The following APBB2 variants were observed in gnomAD, a reference collection of about 807,000 sequenced individuals.
The protein encoded by APBB2 is Fe65-like 1.
A neutral mutation model predicts 82.5 loss-of-function variants in APBB2; 38 were observed. That is an observed-to-expected ratio of 0.46 (90% CI 0.36 to 0.60). The LOEUF is 0.60. Among genes scored for constraint, APBB2 ranks in the 20% least tolerant of loss-of-function variants. APBB2 has a pLI of 0.00. For synonymous variants in APBB2, 341 were observed against 368.2 expected (o/e 0.93, Z 0.85); for missense variants, 772 against 972.3 (o/e 0.79, Z 2.74).
chr4:40,933,197 C>T (rs1784632064), intron 10 of APBB2, among the ~76,000 whole-genome samples: 1 of 152,292 alleles, frequency 6.6e-6, no homozygotes, highest in South Asian at 2.1e-4. Context: ...TTTAATGTTA[C>T]AATCCCTCAG....
intron 10 of APBB2, among the ~76,000 whole-genome samples, chr4:40,905,922 G>A (rs966171857): frequency 1.3e-5 from 2 of 152,132 alleles, no homozygotes; most frequent in Non-Finnish European, 2.9e-5. Flanking sequence ...CTCGAGTGGG[G>A]AAGCGAGAAT....
chr4:40,825,646 T>C (rs1171558068), intron 15 of APBB2: 2 of 473,402 alleles, frequency 4.2e-6, no homozygotes, highest in East Asian at 4.0e-5. Context: ...AAACAAGAAA[T>C]CCACGTCTGT....
chr4:40,934,927 AC>A (rs1236830762), intron 8 of APBB2, 149 bp downstream of exon 8: 3 of 726,614 alleles, frequency 4.1e-6, no homozygotes, highest in Non-Finnish European at 6.7e-6. Flanking sequence ...AAAAAAGGCA[AC>A]AGGAGTGTGA....
chr4:40,878,542 C>T (rs1303380645), intron 12 of APBB2, among the ~76,000 whole-genome samples: 1 of 152,166 alleles, frequency 6.6e-6, no homozygotes, highest in African/African-American at 2.4e-5. Context: ...CTGTCCGGAT[C>T]TCCCTCAGAG....
In APBB2 at chr4:40,975,791, A is replaced by AC. The variant is rs1797042301; in HGVS notation, c.836-30719dup. On this transcript the variant is annotated intron_variant, in intron 6 of 17. Coordinates refer to ENST00000508593, the MANE Select transcript of APBB2 (RefSeq NM_004307.2). ...ACACACACACACACACACACACACA[A>AC]CAACCACTCTACTTTCCCCTATATA... 8.9e-5 allele frequency among the ~76,000 whole-genome samples: 7 copies of AC among 78,782 alleles called. 1 individual carries two copies. In the South Asian group the frequency reaches 2.6e-3, roughly 29 times the overall value. 51.7% of individuals were successfully genotyped at this position (78,782 alleles called of 152,430 possible). A position where few individuals can be genotyped will look rare whatever the true frequency, so the allele number is the denominator to read the frequency against.
At chr4:40,830,425 A>G in intron 13 of APBB2, 38 bp downstream of exon 13, 1 of 1,439,480 alleles carries the variant, frequency 6.9e-7, no homozygotes, top group South Asian at 1.1e-5. Flanking sequence ...GCAAGAAAAA[A>G]AGAGAGAGGC....
intron 7 of APBB2, among the ~76,000 whole-genome samples, chr4:40,941,069 A>T (rs1457950538): frequency 6.6e-6 from 1 of 152,310 alleles, no homozygotes; most frequent in East Asian, 1.9e-4. Flanking sequence ...AAATTTTCAA[A>T]CTGTAAGGAA....
intron 1 of APBB2, among the ~76,000 whole-genome samples, chr4:41,212,822 G>C (rs2154083809): frequency 6.6e-6 from 1 of 152,280 alleles, no homozygotes; most frequent in South Asian, 2.1e-4. Context: ...TCCCCAGCCT[G>C]GAGGTTTCCC....
chr4:40,939,756 A>G (rs1786355702), intron 7 of APBB2, among the ~76,000 whole-genome samples: 1 of 152,156 alleles, frequency 6.6e-6, no homozygotes, highest in Admixed American at 6.5e-5. Context: ...TCACCATGCC[A>G]GCTAAATTTT....
chr4:40,829,988 T>C (rs1468028845), intron 13 of APBB2, among the ~76,000 whole-genome samples: 1 of 152,206 alleles, frequency 6.6e-6, no homozygotes, highest in Non-Finnish European at 1.5e-5. Context: ...ACATTCACTC[T>C]CAGGTCAGAT....
intron 4 of APBB2, among the ~76,000 whole-genome samples, chr4:41,043,306 T>C (rs1722207122): frequency 6.6e-6 from 1 of 152,236 alleles, no homozygotes; most frequent in South Asian, 2.1e-4. Flanking sequence ...TGGAATACTA[T>C]GCATCACTTA....
intron 7 of APBB2, among the ~76,000 whole-genome samples, chr4:40,944,108 T>A (rs1207678359): frequency 6.6e-6 from 1 of 152,208 alleles, no homozygotes; most frequent in Non-Finnish European, 1.5e-5. Context: ...AGGACTGTGG[T>A]CAGAAAGGGG....
intron 6 of APBB2, among the ~76,000 whole-genome samples, chr4:40,955,237 AAGAGAACAGCATTTCTGAAAG>A (rs1186908354): frequency 5.9e-5 from 9 of 152,204 alleles, no homozygotes; most frequent in African/African-American, 1.2e-4. Flanking sequence ...GGGAAGGGAC[AAGAGAACAGCATTTCTGAAAG>A]AGAGAACAGC....
chr4:41,121,923 G>A (rs1429499285), intron 2 of APBB2, among the ~76,000 whole-genome samples: 2 of 151,782 alleles, frequency 1.3e-5, no homozygotes, highest in African/African-American at 4.8e-5. Context: ...GTGTGTATGT[G>A]TGTGTGTATG....
chr4:40,946,692 A>G (rs962723686), intron 6 of APBB2, among the ~76,000 whole-genome samples: 3 of 152,040 alleles, frequency 2.0e-5, no homozygotes, highest in Admixed American at 1.3e-4. Flanking sequence ...GTAGGAAGAA[A>G]AACTTTAAAA....
chr4:40,830,199 A>AACAC (rs748831202), intron 13 of APBB2, among the ~76,000 whole-genome samples: 2 of 149,698 alleles, frequency 1.3e-5, no homozygotes, highest in South Asian at 2.1e-4. Context: ...GACTTGGCTG[A>AACAC]ACACACACAC....
chr4:41,012,084 G>A (rs1452644319), intron 6 of APBB2, among the ~76,000 whole-genome samples: 1 of 150,970 alleles, frequency 6.6e-6, no homozygotes, highest in African/African-American at 2.4e-5. Context: ...TGAACTTGTG[G>A]GCTCAGGTGA....
intron 2 of APBB2, among the ~76,000 whole-genome samples, chr4:41,140,707 G>A (rs181546985): frequency 2.8e-4 from 42 of 152,278 alleles, no homozygotes; most frequent in Non-Finnish European, 4.9e-4. Flanking sequence ...CATCGCTCAC[G>A]TTACCTCCTG....
At chr4:40,880,947 T>C (rs987098618) in intron 12 of APBB2, 4 of 980,358 alleles carry the variant, frequency 4.1e-6, no homozygotes, top group Non-Finnish European at 4.8e-6. Context: ...AGGACCGCCA[T>C]GAACGATCTG....
Sources: gnomAD v4.1 joint callset for allele counts (sites outside exome capture counted in the v4.1 genomes callset) on GRCh38, gnomAD v4.1.1 for gene constraint, MANE v1.5 for transcripts, NCBI Gene and HGNC (gene_info 2026-07-23, HGNC 2026-07-21) for gene names.